Variants in LRIF1 observed in about 807,000 individuals in gnomAD.
LRIF1 encodes the protein ligand-dependent nuclear receptor-interacting factor 1.
LRIF1 carries 32 observed loss-of-function variants against 52.7 expected under a neutral mutation model. The observed-to-expected ratio is 0.61, with a 90% CI of 0.46 to 0.82. The LOEUF (loss-of-function observed/expected upper bound fraction) is 0.82, where lower values mean the gene tolerates loss of function less well. LRIF1 is among the 40% of genes least tolerant of loss of function. LRIF1 has a pLI of 0.00. For synonymous variants in LRIF1, 323 were observed against 317.4 expected (o/e 1.02, Z -0.19); for missense variants, 887 against 892.0 (o/e 0.99, Z 0.07).
chr1:110,909,573 CTTTT>C, the LRIF1 span, among the ~76,000 whole-genome samples: 34 of 77,976 alleles, frequency 4.4e-4, no homozygotes, highest in African/African-American at 1.5e-3. Flanking sequence ...GCAGGGGTAG[CTTTT>C]TTTTTTTTTT....
the LRIF1 span, among the ~76,000 whole-genome samples, chr1:110,917,595 A>G: frequency 6.6e-6 from 1 of 152,010 alleles, no homozygotes; most frequent in Admixed American, 6.6e-5. Context: ...ATCAATGCAC[A>G]TAACAAAAAT....
At position 110,951,924 on chromosome 1, in the gene LRIF1, A is replaced by C; in HGVS notation, c.960T>G (p.Thr320=). Residue 320 remains threonine (T), a synonymous_variant, in exon 2 of 4, where the codon ACT becomes ACG. Transcript: ENST00000369763. ...CTCCCAAATTTTTCCTATCTACAAAAGTTTTTAAAATCTTTGAAGCCACAT... is the reference window on the plus strand; with the variant it reads ...CTCCCAAATTTTTCCTATCTACAAACGTTTTTAAAATCTTTGAAGCCACAT... ...SNNVASKILK[T]FVDRKNLGDN... is the part of the protein sequence containing the mutation. 5 of 1,614,068 alleles carry C rather than the reference A, an allele frequency of 3.1e-6. No individual in the cohort carries two copies. Among genetic ancestry groups the C allele is most frequent in the Non-Finnish European group, 4.2e-6 (5 of 1,179,986 alleles).
At position 110,951,511 on chromosome 1, in the gene LRIF1, T is replaced by C. The variant is rs768876851; in HGVS notation, c.1373A>G (p.His458Arg). The change falls in exon 2 of 4, where the codon CAT (histidine) becomes CGT (arginine). Residue 458 changes from histidine (H) to arginine (R), a missense_variant. By Grantham distance (29) the His-to-Arg change is conservative. Transcript: ENST00000369763. ...TAAGTAGTTACTGGATTGGTTCATA[T>C]GTGGATTTGTGGTAGAAGGAGATGG... ...EKPSPSTTNP[H>R]MNQSSNYLKQ... is the part of the protein sequence containing the mutation. 1.2e-6 allele frequency: 2 copies of C among 1,614,172 alleles called. No individual in the cohort carries two copies. The highest frequency in any genetic ancestry group is 1.1e-5 in the South Asian group (1 of 91,082).
the LRIF1 span, chr1:110,894,460 G>A: frequency 3.9e-6 from 5 of 1,287,024 alleles, no homozygotes; most frequent in Non-Finnish European, 5.7e-6. Context: ...GTATGCAGTG[G>A]AGAAGTTGGT....
chr1:110,899,129 G>A, the LRIF1 span: 1 of 1,613,492 alleles, frequency 6.2e-7, no homozygotes, highest in African/African-American at 1.3e-5. Flanking sequence ...CACAGGTGTT[G>A]GGGATGTCCT....
At chr1:110,963,542 T>G in intron 1 of LRIF1, 79 bp downstream of exon 1, 1 of 1,247,596 alleles carries the variant, frequency 8.0e-7, no homozygotes, top group Non-Finnish European at 1.1e-6. Flanking sequence ...CTACACAGCG[T>G]CCGGAAACGA....
chr1:110,894,522 T>C, the LRIF1 span: 2 of 774,510 alleles, frequency 2.6e-6, no homozygotes, highest in Non-Finnish European at 4.4e-6. Context: ...AGTGGAAGGA[T>C]AGAGGAAACA....
At position 110,950,077 on chromosome 1, in the gene LRIF1, C is replaced by A. The variant is rs1405610649; in HGVS notation, c.1643G>T (p.Arg548Ile). Residue 548 changes from arginine to isoleucine, a missense_variant, in exon 3 of 4, where the codon AGA becomes ATA. Arg to Ile is a moderately conservative substitution (Grantham distance 97, BLOSUM62 -3). Coordinates refer to ENST00000369763, the MANE Select transcript of LRIF1 (RefSeq NM_018372.4). ...ASTSDKGAQG[R>I]NDKKDSQGRS... ...TCCTTGAGAATCTTTCTTGTCATTT[C>A]TTCCTTGGGCACCTTTATCTGATGT... is the stretch of plus-strand genomic sequence containing the variant. The A allele has an allele frequency of 1.9e-6, 3 of 1,613,840 alleles. No individual in the cohort carries two copies. Among genetic ancestry groups the A allele is most frequent in the Non-Finnish European group, 2.5e-6 (3 of 1,179,934 alleles).
chr1:110,891,458 A>G, the LRIF1 span: 4 of 1,613,488 alleles, frequency 2.5e-6, no homozygotes, highest in African/African-American at 1.3e-5. Context: ...TTTTTCTTCA[A>G]CTTGCTCTTT....
At chr1:110,906,166 GAATT>G in the LRIF1 span, among the ~76,000 whole-genome samples, 1 of 152,022 alleles carries the variant, frequency 6.6e-6, no homozygotes, top group Non-Finnish European at 1.5e-5. Flanking sequence ...TAAACTGTAA[GAATT>G]AATAAGAGAT....
intron 3 of LRIF1, among the ~76,000 whole-genome samples, chr1:110,948,784 A>G (rs1658326658): frequency 6.6e-6 from 1 of 152,240 alleles, no homozygotes; most frequent in Non-Finnish European, 1.5e-5. Flanking sequence ...TCTGATCTAA[A>G]GTTCAGAATA....
At chr1:110,915,096 T>G in the LRIF1 span, among the ~76,000 whole-genome samples, 1 of 152,226 alleles carries the variant, frequency 6.6e-6, no homozygotes, top group Non-Finnish European at 1.5e-5. Flanking sequence ...TACAGCCACG[T>G]AAGGAATTAT....
the LRIF1 span, among the ~76,000 whole-genome samples, chr1:110,904,369 T>C: frequency 1.3e-5 from 2 of 152,108 alleles, no homozygotes; most frequent in Middle Eastern, 6.3e-3. Flanking sequence ...ACAGTCATAG[T>C]GGTGGTCATA....
chr1:110,952,088 TG>T lies in LRIF1; in HGVS notation c.795del (p.Thr266HisfsTer13). ...TEIAKPVILN[T>X]TQIPKNVATE... is the part of the protein sequence containing the mutation. Reference sequence around the variant, plus strand: ...GTAGCAACATTCTTTGGAATTTGTGTGGTATTTAGTATTACTGGCTTTGCTA... The same window carrying T: ...GTAGCAACATTCTTTGGAATTTGTGTGTATTTAGTATTACTGGCTTTGCTA... On this transcript the variant is annotated frameshift_variant, in exon 2 of 4. Transcript: ENST00000369763. LOFTEE classifies it high-confidence loss of function. 6.2e-7 allele frequency: 1 copy of T among 1,614,236 alleles called. No homozygotes were observed.
the LRIF1 span, among the ~76,000 whole-genome samples, chr1:110,905,772 C>T: frequency 3.3e-5 from 5 of 152,090 alleles, no homozygotes; most frequent in Non-Finnish European, 7.4e-5. Flanking sequence ...GTATAAACTA[C>T]TCTTATCCTA....
the LRIF1 span, among the ~76,000 whole-genome samples, chr1:110,916,770 C>G: frequency 6.6e-6 from 1 of 151,988 alleles, no homozygotes; most frequent in South Asian, 2.1e-4. Flanking sequence ...CAAATAAAAG[C>G]CAATGAAGCT....
At chr1:110,931,721 T>G in the LRIF1 span, among the ~76,000 whole-genome samples, 1 of 152,242 alleles carries the variant, frequency 6.6e-6, no homozygotes, top group Non-Finnish European at 1.5e-5. Flanking sequence ...TGATTTGCAT[T>G]TCTCTGATGA....
intron 1 of LRIF1, among the ~76,000 whole-genome samples, chr1:110,961,224 C>A (rs1658934712): frequency 6.6e-6 from 1 of 152,204 alleles, no homozygotes; most frequent in Non-Finnish European, 1.5e-5. Context: ...TCCTCCTCCA[C>A]CATGACTGTA....
chr1:110,948,173 G>T lies in LRIF1; in HGVS notation c.2096C>A (p.Thr699Asn), dbSNP rs1477502520. 6.2e-7 allele frequency: 1 copy of T among 1,613,880 alleles called. No individual in the cohort carries two copies. Among genetic ancestry groups the T allele is most frequent in the South Asian group, 1.1e-5 (1 of 91,084 alleles). The change falls in exon 4 of 4, where the codon ACC (threonine) becomes AAC (asparagine). Residue 699 changes from threonine to asparagine, a missense_variant. Physicochemically the swap from Thr to Asn is moderately conservative, Grantham distance 65 (BLOSUM62 0). Coordinates refer to ENST00000369763, the MANE Select transcript of LRIF1 (RefSeq NM_018372.4). ...QEKRTEMEYY[T>N]HEKQEKGTLN... ...AGTGCCTTTCTCTTGCTTCTCATGG[G>T]TATAGTATTCCATCTCAGTTCTCTT...
Sources: gnomAD v4.1 joint callset for allele counts (sites outside exome capture counted in the v4.1 genomes callset) on GRCh38, gnomAD v4.1.1 for gene constraint, MANE v1.5 for transcripts, NCBI Gene and HGNC (gene_info 2026-07-23, HGNC 2026-07-21) for gene names.